The following PCNX2 variants were observed in gnomAD, a reference collection of about 807,000 sequenced individuals.
PCNX2 encodes the protein pecanex 2.
A neutral mutation model predicts 223.8 loss-of-function variants in PCNX2; 168 were observed. The ratio of observed to expected loss-of-function variants is 0.75; its 90% CI spans 0.66 to 0.85. PCNX2 has a LOEUF of 0.85. PCNX2 is among the 40% of genes least tolerant of loss of function. PCNX2 has a pLI of 0.00. For synonymous variants in PCNX2, 1,006 were observed against 1,052.6 expected (o/e 0.96, Z 0.86); for missense variants, 2,507 against 2,675.5 (o/e 0.94, Z 1.39).
chr1:233,241,068 T>G, intron 8 of PCNX2: 1 of 702,636 alleles, frequency 1.4e-6, no homozygotes, highest in Non-Finnish European at 1.7e-6. Flanking sequence ...GAAATGAAAG[T>G]CCCAGCAACA....
At chr1:233,311,958 C>A in the PCNX2 span, among the ~76,000 whole-genome samples, 1 of 152,090 alleles carries the variant, frequency 6.6e-6, no homozygotes, top group Admixed American at 6.5e-5. Flanking sequence ...GAAACCCAGT[C>A]TCTACTAAAT....
At chr1:233,072,003 T>C (rs933746591) in intron 23 of PCNX2, among the ~76,000 whole-genome samples, 3 of 152,230 alleles carry the variant, frequency 2.0e-5, no homozygotes, top group African/African-American at 7.2e-5. Flanking sequence ...TGTTTTTCTC[T>C]TGTAAATTTG....
Position 232,990,302 on chromosome 1 carries a change from C to G in PCNX2, c.5792-3762G>C, listed in dbSNP as rs1669649619. Among the ~76,000 whole-genome samples, 1 of 152,192 alleles carries G rather than the reference C, an allele frequency of 6.6e-6. No individual in the cohort carries two copies. Among genetic ancestry groups the G allele is most frequent in the South Asian group, 2.1e-4 (1 of 4,832 alleles). On this transcript the variant is annotated intron_variant, in intron 32 of 33. Transcript: ENST00000258229. The surrounding 1 kb of genome is among the most constrained non-coding windows in gnomAD (Gnocchi z 4.3). ...CCTTGGAACCTGGGCTACCTGCACACTGGGTCTCAGGTGCAGTGTCTTGAG... is the reference window on the plus strand; with the variant it reads ...CCTTGGAACCTGGGCTACCTGCACAGTGGGTCTCAGGTGCAGTGTCTTGAG...
chr1:233,169,233 TTGTG>T (rs1198122985), intron 17 of PCNX2, among the ~76,000 whole-genome samples: 3 of 152,230 alleles, frequency 2.0e-5, no homozygotes, highest in African/African-American at 7.2e-5. Context: ...ACTCGGGGTA[TTGTG>T]TGTGTGTTAT....
At chr1:233,089,249 G>A (rs1487120993) in intron 23 of PCNX2, among the ~76,000 whole-genome samples, 10 of 152,164 alleles carry the variant, frequency 6.6e-5, no homozygotes, top group Admixed American at 3.9e-4. Context: ...TAATAAATTA[G>A]GGCAGAGGAG....
At chr1:233,043,261 T>C (rs1002801703) in intron 25 of PCNX2, among the ~76,000 whole-genome samples, 4 of 152,326 alleles carry the variant, frequency 2.6e-5, no homozygotes, top group Middle Eastern at 3.4e-3. Context: ...AACCCTCACT[T>C]TCCCATCTTT....
chr1:233,247,877 CAA>C (rs57333423), intron 8 of PCNX2, among the ~76,000 whole-genome samples: 1 of 119,642 alleles, frequency 8.4e-6, no homozygotes, highest in African/African-American at 3.3e-5. Flanking sequence ...AACTCCGTCT[CAA>C]AAAAAAAAAA....
At chr1:233,074,287 T>C (rs946577757) in intron 23 of PCNX2, among the ~76,000 whole-genome samples, 1 of 152,168 alleles carries the variant, frequency 6.6e-6, no homozygotes, top group African/African-American at 2.4e-5. Flanking sequence ...ACTTTTGCTT[T>C]GCAAAACATT....
intron 19 of PCNX2, among the ~76,000 whole-genome samples, chr1:233,147,165 A>G (rs145048702): frequency 1.4e-3 from 219 of 152,308 alleles, no homozygotes; most frequent in African/African-American, 4.9e-3. Flanking sequence ...GGGGGAGGTT[A>G]GAGACACCAA....
Position 233,013,034 on chromosome 1 carries a change from C to T in PCNX2, c.4952+1631G>A, listed in dbSNP as rs112303640. Among the ~76,000 whole-genome samples, 290 of 152,242 alleles carry T rather than the reference C, an allele frequency of 1.9e-3. 1 individual carries two copies. The highest frequency in any genetic ancestry group is 6.9e-3 in the African/African-American group (285 of 41,546). On this transcript the variant is annotated intron_variant, in intron 28 of 33. Transcript: ENST00000258229. ...GCCCACAGAGGAGTCATCTGTTAGA[C>T]CTGCGGCAATCATCAAGCTTAGTCC...
chr1:233,013,105 T>G (rs1383034518), intron 28 of PCNX2, among the ~76,000 whole-genome samples: 1 of 152,042 alleles, frequency 6.6e-6, no homozygotes, highest in African/African-American at 2.4e-5. Flanking sequence ...TGAGACTGAG[T>G]CAGGTAAGAG....
At position 233,121,054 on chromosome 1, in the gene PCNX2, T is replaced by TA. The variant is rs75273888; in HGVS notation, c.3837+13958dup. ...GCAAGGAACAATTGGAGTTTAAAAT[T>TA]AAAAAAAAAAAATACACCCTCCACG... On this transcript the variant is annotated intron_variant, in intron 21 of 33. Transcript: ENST00000258229. Among the ~76,000 whole-genome samples, 304 of 140,934 alleles carry TA rather than the reference T, an allele frequency of 2.2e-3. 1 individual carries two copies. Among genetic ancestry groups the TA allele is most frequent in the Middle Eastern group, 7.1e-3 (2 of 282 alleles). The allele number at this position is 140,934 out of a possible 152,430, so 92.5% of individuals were successfully genotyped here.
upstream of PCNX2, among the ~76,000 whole-genome samples, chr1:233,300,473 A>G (rs1451697117): frequency 2.0e-5 from 3 of 152,216 alleles, no homozygotes; most frequent in Non-Finnish European, 4.4e-5. Flanking sequence ...CTTGCTAAGC[A>G]AAGTGTGTTT....
chr1:233,073,476 T>G (rs1364834037), intron 23 of PCNX2, among the ~76,000 whole-genome samples: 1 of 152,148 alleles, frequency 6.6e-6, no homozygotes, highest in South Asian at 2.1e-4. Context: ...TTAAAAAATT[T>G]TTTTTGAGAA....
intron 26 of PCNX2, chr1:233,019,359 T>C (rs1211700611): frequency 3.7e-6 from 1 of 272,432 alleles, no homozygotes; most frequent in Non-Finnish European, 5.6e-6. Flanking sequence ...TCCCATCCTC[T>C]GTAACACCCC....
intron 9 of PCNX2, chr1:233,232,856 T>C (rs1350310313): frequency 2.0e-6 from 2 of 985,312 alleles, no homozygotes; most frequent in Non-Finnish European, 2.4e-6. Context: ...TTGACCGTCA[T>C]GCTATCCATA....
At chr1:233,172,202 G>A (rs1182001285) in intron 17 of PCNX2, among the ~76,000 whole-genome samples, 1 of 152,112 alleles carries the variant, frequency 6.6e-6, no homozygotes, top group East Asian at 1.9e-4. Flanking sequence ...TGTTTCTGCT[G>A]GTTCCTTATT....
chr1:233,166,755 C>T (rs1431281918), intron 17 of PCNX2, among the ~76,000 whole-genome samples: 1 of 152,086 alleles, frequency 6.6e-6, no homozygotes, highest in Non-Finnish European at 1.5e-5. Flanking sequence ...TATTCTGCTC[C>T]AAAAATTTTA....
chr1:233,206,779 G>C (rs915079205), intron 13 of PCNX2, among the ~76,000 whole-genome samples: 1 of 152,146 alleles, frequency 6.6e-6, no homozygotes, highest in African/African-American at 2.4e-5. Context: ...CAGCACTTTG[G>C]GAGGCTGAGG....
Sources: gnomAD v4.1 joint callset for allele counts (sites outside exome capture counted in the v4.1 genomes callset) on GRCh38, gnomAD v4.1.1 for gene constraint, Gnocchi (gnomAD v3.1) non-coding constraint, MANE v1.5 for transcripts, NCBI Gene and HGNC (gene_info 2026-07-23, HGNC 2026-07-21) for gene names.